Variants in GABRR2 observed in about 807,000 individuals in gnomAD.
GABRR2 encodes the protein gamma-aminobutyric acid receptor subunit rho-2.
GABRR2 carries 36 observed loss-of-function variants against 47.0 expected under a neutral mutation model. The ratio of observed to expected loss-of-function variants is 0.77; its 90% CI spans 0.59 to 1.01. GABRR2 has a LOEUF of 1.01. Ranked by LOEUF, GABRR2 falls within the 50% of genes least tolerant of loss-of-function variation. GABRR2 has a pLI of 0.00. For missense variants in GABRR2, 587 were observed against 594.6 expected, an observed-to-expected ratio of 0.99 and a Z score of 0.13; for synonymous variants, 204 against 227.5, an observed-to-expected ratio of 0.90 and a Z score of 0.93.
At chr6:89,305,141 G>A (rs1322336492) in intron 1 of GABRR2, among the ~76,000 whole-genome samples, 2 of 151,494 alleles carry the variant, frequency 1.3e-5, no homozygotes, top group Non-Finnish European at 2.9e-5. Context: ...GTGGATCACA[G>A]GCCAGGAATT....
At chr6:89,299,668 G>C in intron 2 of GABRR2, 91 bp downstream of exon 2, 1 of 805,824 alleles carries the variant, frequency 1.2e-6, no homozygotes, top group Non-Finnish European at 2.1e-6. Context: ...CACCATCTGA[G>C]GAAGCGCTGT....
intron 2 of GABRR2, among the ~76,000 whole-genome samples, chr6:89,277,877 G>A (rs1446663631): frequency 2.5e-5 from 3 of 121,274 alleles, no homozygotes; most frequent in African/African-American, 9.3e-5. Flanking sequence ...GTGGGGGGGG[G>A]TGGGGGCTGC....
intron 2 of GABRR2, among the ~76,000 whole-genome samples, chr6:89,280,637 A>T (rs1398697766): frequency 6.6e-6 from 1 of 152,280 alleles, no homozygotes; most frequent in East Asian, 1.9e-4. Flanking sequence ...TCATGGGTGA[A>T]TGCGGTTTTG....
At chr6:89,292,669 G>A (rs1367344240) in intron 2 of GABRR2, among the ~76,000 whole-genome samples, 2 of 140,002 alleles carry the variant, frequency 1.4e-5, no homozygotes, top group African/African-American at 5.3e-5. Flanking sequence ...GATATATATC[G>A]TATCTCTGAT....
At chr6:89,311,139 A>T (rs1291775775) in intron 1 of GABRR2, among the ~76,000 whole-genome samples, 1 of 152,176 alleles carries the variant, frequency 6.6e-6, no homozygotes, top group Admixed American at 6.5e-5. Flanking sequence ...TGACCGTGTG[A>T]GGTGCCACGT....
intron 2 of GABRR2, among the ~76,000 whole-genome samples, chr6:89,285,085 G>A (rs192317948): frequency 6.8e-4 from 103 of 152,292 alleles, no homozygotes; most frequent in African/African-American, 2.3e-3. Flanking sequence ...GCTTAATTGT[G>A]TGGGGAAACA....
rs147512746 is a variant in GABRR2 at position 89,269,140 on chromosome 6, C to T, written c.383G>A (p.Arg128Gln). ...AGGGACCCAGATCTTCTTCACCAGC[C>T]GGCCATCGAAGGTCATGCTCTTGTT... ...ASNKSMTFDG[R>Q]LVKKIWVPDV... The change falls in exon 4 of 9, where the codon CGG (arginine) becomes CAG (glutamine). Residue 128 changes from arginine (R) to glutamine (Q), a missense_variant. By Grantham distance (43) the Arg-to-Gln change is conservative. Transcript: ENST00000402938. 131 of 1,613,910 alleles carry T rather than the reference C, an allele frequency of 8.1e-5. No individual in the cohort carries two copies. Among genetic ancestry groups the T allele is most frequent in the Admixed American group, 5.2e-4 (31 of 60,000 alleles).
chr6:89,263,640 A>T (rs1773807102), intron 8 of GABRR2, among the ~76,000 whole-genome samples: 1 of 152,112 alleles, frequency 6.6e-6, no homozygotes, highest in Admixed American at 6.5e-5. Context: ...CTCTTGCCTC[A>T]GCCTCCCAAG....
chr6:89,304,237 AC>A (rs2127848980), intron 1 of GABRR2, among the ~76,000 whole-genome samples: 1 of 152,346 alleles, frequency 6.6e-6, no homozygotes, highest in South Asian at 2.1e-4. Context: ...TCTATAAGGA[AC>A]TTAAATTTAC....
intron 2 of GABRR2, among the ~76,000 whole-genome samples, chr6:89,275,298 A>G (rs539033580): frequency 1.8e-4 from 28 of 152,294 alleles, no homozygotes; most frequent in Non-Finnish European, 1.5e-5. Context: ...TTTTAAGACA[A>G]AGTCTCGCTC....
chr6:89,283,194 A>ATT (rs56937794), intron 2 of GABRR2, among the ~76,000 whole-genome samples: 43,464 of 149,278 alleles, frequency 0.29, 6,239 homozygotes, highest in Admixed American at 0.32. Context: ...TTGGATTTTA[A>ATT]TTTTTTTTTT....
intron 2 of GABRR2, among the ~76,000 whole-genome samples, chr6:89,298,958 C>T (rs1415132379): frequency 6.6e-6 from 1 of 152,120 alleles, no homozygotes; most frequent in African/African-American, 2.4e-5. Flanking sequence ...AGAAAGTGGG[C>T]CCTCAGCACA....
At chr6:89,258,930 G>C (rs1294905345) in intron 8 of GABRR2, among the ~76,000 whole-genome samples, 2 of 149,058 alleles carry the variant, frequency 1.3e-5, no homozygotes, top group Non-Finnish European at 3.0e-5. Context: ...TGTATCTGTT[G>C]GTGCAGTTTT....
At chr6:89,258,640 G>T (rs1773665940) in intron 8 of GABRR2, among the ~76,000 whole-genome samples, 1 of 150,948 alleles carries the variant, frequency 6.6e-6, no homozygotes, top group Non-Finnish European at 1.5e-5. Flanking sequence ...AGGATCACTT[G>T]AGCTCAAGAG....
intron 1 of GABRR2, among the ~76,000 whole-genome samples, chr6:89,307,135 T>A (rs2127850214): frequency 6.6e-6 from 1 of 152,320 alleles, no homozygotes; most frequent in South Asian, 2.1e-4. Context: ...TTGGTCAACA[T>A]CATCTGTAAC....
intron 2 of GABRR2, among the ~76,000 whole-genome samples, chr6:89,280,643 T>A (rs1385395139): frequency 6.6e-6 from 1 of 152,102 alleles, no homozygotes; most frequent in African/African-American, 2.4e-5. Flanking sequence ...GTGAATGCGG[T>A]TTTGCTCAGC....
chr6:89,300,019 C>T (rs972195702), intron 1 of GABRR2, among the ~76,000 whole-genome samples, 154 bp from the exon 2 acceptor site: 9 of 152,200 alleles, frequency 5.9e-5, no homozygotes, highest in Admixed American at 1.3e-4. Context: ...AAGGACCCTC[C>T]ACACACACGC....
At chr6:89,273,683 C>T (rs745558263) in intron 2 of GABRR2, among the ~76,000 whole-genome samples, 1 of 152,218 alleles carries the variant, frequency 6.6e-6, no homozygotes, top group Non-Finnish European at 1.5e-5. Flanking sequence ...GGTGTGTGGG[C>T]AGCCTGGCCA....
intron 2 of GABRR2, among the ~76,000 whole-genome samples, chr6:89,299,454 T>C (rs1774610960): frequency 6.6e-6 from 1 of 152,198 alleles, no homozygotes; most frequent in South Asian, 2.1e-4. Context: ...CTATTTTGTG[T>C]CCTGATTCTC....
Sources: allele counts gnomAD v4.1 joint callset (sites outside exome capture counted in the v4.1 genomes callset), GRCh38; gene constraint gnomAD v4.1.1; transcripts MANE v1.5; gene names NCBI Gene and HGNC (gene_info 2026-07-23, HGNC 2026-07-21).